WDPCP: variants seen among roughly 807,000 people sequenced by gnomAD.
WDPCP encodes the protein WD repeat-containing and planar cell polarity effector protein fritz homolog.
Under a neutral mutation model 93.1 loss-of-function variants are expected in WDPCP, and 71 were observed. The observed-to-expected ratio is 0.76, with a 90% CI of 0.63 to 0.93. WDPCP has a LOEUF of 0.93. Among genes scored for constraint, WDPCP ranks in the 40% least tolerant of loss-of-function variants. The probability of loss-of-function intolerance (pLI) is 0.00; values close to 1 mark genes in which losing one functional copy is unlikely to be tolerated. For synonymous variants in WDPCP, 315 were observed against 315.0 expected, an observed-to-expected ratio of 1.00 and a Z score of 0.00; for missense variants, 844 against 887.4, an observed-to-expected ratio of 0.95 and a Z score of 0.62.
intron 14 of WDPCP, among the ~76,000 whole-genome samples, chr2:63,226,524 C>A (rs1678304674): frequency 6.6e-6 from 1 of 151,750 alleles, no homozygotes; most frequent in African/African-American, 2.4e-5. Flanking sequence ...ATCGAATAAA[C>A]AGAAGAAAGG....
intron 3 of WDPCP, among the ~76,000 whole-genome samples, chr2:63,610,118 G>A (rs1238221492): frequency 6.6e-6 from 1 of 151,966 alleles, no homozygotes; most frequent in Admixed American, 6.5e-5. Context: ...TGGAGTCCAG[G>A]CCCAGGAAGT....
intron 6 of WDPCP, among the ~76,000 whole-genome samples, chr2:63,447,890 G>A (rs1697973837): frequency 6.6e-6 from 1 of 151,998 alleles, no homozygotes; most frequent in Admixed American, 6.6e-5. Flanking sequence ...CCAAATTGCT[G>A]AACACAGTTA....
At chr2:63,153,909 A>G (rs1672053184) in intron 15 of WDPCP, among the ~76,000 whole-genome samples, 1 of 152,008 alleles carries the variant, frequency 6.6e-6, no homozygotes, top group South Asian at 2.1e-4. Context: ...TGATGCTCTG[A>G]ACTCATGGTT....
intron 6 of WDPCP, among the ~76,000 whole-genome samples, chr2:63,462,743 G>A (rs1166787549): frequency 6.6e-6 from 1 of 152,138 alleles, no homozygotes; most frequent in Non-Finnish European, 1.5e-5. Flanking sequence ...TGGGGGGAAA[G>A]AAGGAGTTGG....
chr2:63,257,452 A>T (rs1387494672), intron 14 of WDPCP, among the ~76,000 whole-genome samples: 1 of 152,146 alleles, frequency 6.6e-6, no homozygotes, highest in Non-Finnish European at 1.5e-5. Context: ...TATGAGTGAG[A>T]ATCACCCAGT....
At chr2:63,613,710 C>A (rs1193742876) in intron 3 of WDPCP, among the ~76,000 whole-genome samples, 2 of 152,182 alleles carry the variant, frequency 1.3e-5, no homozygotes, top group African/African-American at 4.8e-5. Flanking sequence ...AAGTATGATG[C>A]TTTGTCATGC....
chr2:63,194,215 A>G (rs1675248605), intron 14 of WDPCP, among the ~76,000 whole-genome samples: 1 of 152,044 alleles, frequency 6.6e-6, no homozygotes, highest in Non-Finnish European at 1.5e-5. Context: ...ATATTTTTCC[A>G]TTTTTTTAGA....
chr2:63,280,086 C>A (rs1431808614), intron 13 of WDPCP, among the ~76,000 whole-genome samples: 1 of 152,080 alleles, frequency 6.6e-6, no homozygotes, highest in Non-Finnish European at 1.5e-5. Context: ...ACAAATACCA[C>A]CATCATTCTT....
chr2:63,541,381 TAATAA>T (rs1372280157), intron 1 of WDPCP, among the ~76,000 whole-genome samples: 3 of 152,184 alleles, frequency 2.0e-5, no homozygotes, highest in African/African-American at 4.8e-5. Flanking sequence ...ATACAGTGTA[TAATAA>T]AATAAGTTAC....
At chr2:63,654,466 G>A (rs1710142444) in intron 2 of WDPCP, among the ~76,000 whole-genome samples, 1 of 152,210 alleles carries the variant, frequency 6.6e-6, no homozygotes, top group Middle Eastern at 3.2e-3. Flanking sequence ...ACTGATCAGA[G>A]GATGGATTTT....
intron 2 of WDPCP, among the ~76,000 whole-genome samples, chr2:63,776,537 T>A (rs1670305475): frequency 6.7e-6 from 1 of 150,332 alleles, no homozygotes; most frequent in Non-Finnish European, 1.5e-5. Flanking sequence ...ATGCCTATAG[T>A]CCCAGCTACC....
upstream of WDPCP, chr2:63,588,768 G>C (rs1298787158): frequency 2.2e-5 from 12 of 541,768 alleles, no homozygotes; most frequent in Non-Finnish European, 3.3e-6. Flanking sequence ...CTCATCCTCA[G>C]GGACTACTTT....
At chr2:63,721,992 A>AG (rs1424104935) in intron 2 of WDPCP, among the ~76,000 whole-genome samples, 20 of 151,936 alleles carry the variant, frequency 1.3e-4, no homozygotes, top group African/African-American at 4.6e-4. Context: ...CGGCCTCCCG[A>AG]GGTGCCGGGA....
At chr2:63,719,963 T>C (rs1430513018) in intron 2 of WDPCP, among the ~76,000 whole-genome samples, 2 of 152,094 alleles carry the variant, frequency 1.3e-5, no homozygotes, top group Non-Finnish European at 2.9e-5. Flanking sequence ...GCACAGAAAA[T>C]ACCTGGATAC....
intron 13 of WDPCP, among the ~76,000 whole-genome samples, chr2:63,267,851 A>G (rs1575020377): frequency 6.6e-6 from 1 of 152,196 alleles, no homozygotes; most frequent in Non-Finnish European, 1.5e-5. Context: ...ATATGAGGAG[A>G]AGGGAACCTG....
intron 9 of WDPCP, 104 bp from the exon 10 acceptor site, chr2:63,404,761 T>C: frequency 4.3e-6 from 6 of 1,398,688 alleles, no homozygotes; most frequent in Non-Finnish European, 6.0e-6. Context: ...GAAAATCAAT[T>C]ACTATCTTAA....
At chr2:63,629,283 A>C (rs1256197823) in intron 3 of WDPCP, among the ~76,000 whole-genome samples, 2 of 152,254 alleles carry the variant, frequency 1.3e-5, no homozygotes. Context: ...CATCTTAGCT[A>C]CACCAGCAAA....
chr2:63,320,843 T>C (rs1207630229), intron 12 of WDPCP, among the ~76,000 whole-genome samples: 1 of 152,106 alleles, frequency 6.6e-6, no homozygotes, highest in Non-Finnish European at 1.5e-5. Flanking sequence ...ACATCCATAA[T>C]TACATTAAAT....
chr2:63,567,123 T>C (rs1462086762), intron 1 of WDPCP, among the ~76,000 whole-genome samples: 1 of 152,180 alleles, frequency 6.6e-6, no homozygotes, highest in Admixed American at 6.5e-5. Flanking sequence ...CTCTGAACTC[T>C]GTTATTTAGT....
Sources: allele counts gnomAD v4.1 joint callset (sites outside exome capture counted in the v4.1 genomes callset), GRCh38; gene constraint gnomAD v4.1.1; transcripts MANE v1.5; gene names NCBI Gene and HGNC (gene_info 2026-07-23, HGNC 2026-07-21).